Variants in VWC2L observed in about 807,000 individuals in gnomAD.
VWC2L encodes von Willebrand factor C domain-containing protein 2-like.
VWC2L carries 10 observed loss-of-function variants against 21.6 expected under a neutral mutation model. That is an observed-to-expected ratio of 0.46 (90% confidence interval 0.29 to 0.78). The LOEUF is 0.78. Among genes scored for constraint, VWC2L ranks in the 30% least tolerant of loss-of-function variants. The pLI, the probability that VWC2L is intolerant of heterozygous loss-of-function variation, is 0.10. For synonymous variants in VWC2L, 96 were observed against 94.3 expected (o/e 1.02, Z -0.10); for missense variants, 209 against 277.1 (o/e 0.75, Z 1.74).
chr2:214,539,042 C>T (rs1351596763), intron 3 of VWC2L, among the ~76,000 whole-genome samples: 1 of 152,080 alleles, frequency 6.6e-6, no homozygotes, highest in Non-Finnish European at 1.5e-5. Flanking sequence ...TCTAGTGATA[C>T]CTGCTGCAAT....
chr2:214,554,364 ATGAGAAAGACAGG>A (rs924584575), intron 3 of VWC2L, among the ~76,000 whole-genome samples: 107 of 152,262 alleles, frequency 7.0e-4, no homozygotes, highest in Middle Eastern at 6.8e-3. Flanking sequence ...TCAGGCCGTG[ATGAGAAAGACAGG>A]TGTTTTGGGG....
chr2:214,426,171 CAAAAAAA>C (rs34411661), intron 2 of VWC2L, among the ~76,000 whole-genome samples: 5,292 of 70,010 alleles, frequency 0.076, 302 homozygotes, highest in African/African-American at 0.21. Flanking sequence ...GGCTTCGTCT[CAAAAAAA>C]AAAAAAAAAA....
At chr2:214,451,833 C>T (rs1574571831) in intron 3 of VWC2L, among the ~76,000 whole-genome samples, 4 of 152,064 alleles carry the variant, frequency 2.6e-5, no homozygotes, top group East Asian at 1.9e-4. Flanking sequence ...AATTTTATGT[C>T]GTGATTTTAT....
chr2:214,448,252 AAT>A (rs1702868710), intron 3 of VWC2L, among the ~76,000 whole-genome samples: 2 of 152,194 alleles, frequency 1.3e-5, no homozygotes, highest in Non-Finnish European at 1.5e-5. Flanking sequence ...TGTAGATGCA[AAT>A]ATATATGTTT....
intron 3 of VWC2L, chr2:214,473,807 T>A (rs1015952671): frequency 6.6e-6 from 1 of 150,794 alleles, no homozygotes; most frequent in East Asian, 1.9e-4. Flanking sequence ...CTAACCAACA[T>A]GTGTAATAAA....
Position 214,509,414 on chromosome 2 carries a change from C to T in VWC2L, c.521-66258C>T, listed in dbSNP as rs142105167. On this transcript the variant is annotated intron_variant, in intron 3 of 3. Coordinates refer to ENST00000312504, the MANE Select transcript of VWC2L (RefSeq NM_001080500.4). ...CTAGTTTCAAGACACAGCCTATATA[C>T]CCCAAGACAGAATTTTTTTTTCTAC... Among the ~76,000 whole-genome samples, 1,026 of 151,984 alleles carry T rather than the reference C, an allele frequency of 6.8e-3. 10 individuals are homozygous for T. The highest frequency in any genetic ancestry group is 0.024 in the African/African-American group (976 of 41,430).
chr2:214,463,183 CTATTT>C (rs1345566011), intron 3 of VWC2L, among the ~76,000 whole-genome samples: 11 of 151,924 alleles, frequency 7.2e-5, no homozygotes, highest in African/African-American at 1.9e-4. Context: ...AATATTCTAT[CTATTT>C]TATCAGTTTG....
intron 3 of VWC2L, among the ~76,000 whole-genome samples, chr2:214,454,850 C>T (rs984279212): frequency 1.3e-5 from 2 of 152,010 alleles, no homozygotes; most frequent in African/African-American, 4.8e-5. Flanking sequence ...GATCTGCCTG[C>T]CTCATCCTCC....
intron 2 of VWC2L, among the ~76,000 whole-genome samples, chr2:214,425,709 A>G (rs183799756): frequency 1.3e-5 from 2 of 152,318 alleles, no homozygotes; most frequent in East Asian, 1.9e-4. Context: ...GTTTGATCCC[A>G]TTAAATAAAT....
intron 3 of VWC2L, among the ~76,000 whole-genome samples, chr2:214,445,414 G>A (rs1012111989): frequency 2.0e-5 from 3 of 151,352 alleles, no homozygotes; most frequent in African/African-American, 7.3e-5. Flanking sequence ...AGCATTTTAA[G>A]TAATATTATA....
At chr2:214,448,221 T>G (rs1050972615) in intron 3 of VWC2L, among the ~76,000 whole-genome samples, 1 of 152,240 alleles carries the variant, frequency 6.6e-6, no homozygotes, top group Non-Finnish European at 1.5e-5. Context: ...CACAGTTGTA[T>G]TCTTACTATG....
At chr2:214,505,271 G>C (rs1460665862) in intron 3 of VWC2L, among the ~76,000 whole-genome samples, 1 of 152,168 alleles carries the variant, frequency 6.6e-6, no homozygotes, top group South Asian at 2.1e-4. Context: ...GAAGCAGTGT[G>C]ATTTCTACTT....
chr2:214,437,627 T>G (rs1203409810), intron 3 of VWC2L, among the ~76,000 whole-genome samples: 1 of 152,214 alleles, frequency 6.6e-6, no homozygotes. Context: ...CTCACTCTTA[T>G]GCTGAATTCC....
At chr2:214,473,722 A>T (rs1000746940) in intron 3 of VWC2L, 4 of 150,902 alleles carry the variant, frequency 2.7e-5, no homozygotes, top group African/African-American at 9.8e-5. Context: ...TAATTCCAAG[A>T]TGGCTTCTTA....
At chr2:214,480,392 T>C (rs1688585991) in intron 3 of VWC2L, among the ~76,000 whole-genome samples, 1 of 152,218 alleles carries the variant, frequency 6.6e-6, no homozygotes, top group African/African-American at 2.4e-5. Context: ...GGAAGATGAA[T>C]GGACAATTAC....
chr2:214,472,609 A>C lies in VWC2L; in HGVS notation c.520+35851A>C, dbSNP rs537003448. Among the ~76,000 whole-genome samples, 18 of 152,332 alleles carry C rather than the reference A, an allele frequency of 1.2e-4. 1 individual carries two copies. The East Asian group carries it at 3.1e-3, about 26-fold the overall frequency. On this transcript the variant is annotated intron_variant, in intron 3 of 3. Transcript: ENST00000312504. ...AATACAAGAAATCTTGATACAGAGCATTACCCAATGTCAGGCAACAGGTTA... is the reference window on the plus strand; with the variant it reads ...AATACAAGAAATCTTGATACAGAGCCTTACCCAATGTCAGGCAACAGGTTA...
intron 3 of VWC2L, among the ~76,000 whole-genome samples, chr2:214,513,512 C>T (rs76527888): frequency 6.6e-6 from 1 of 152,010 alleles, no homozygotes. Context: ...TGCAAACATT[C>T]GTAACGTGGC....
chr2:214,479,584 C>A (rs1284985294), intron 3 of VWC2L, among the ~76,000 whole-genome samples: 2 of 152,138 alleles, frequency 1.3e-5, no homozygotes, highest in Non-Finnish European at 2.9e-5. Flanking sequence ...GCAGGCGGAT[C>A]ACCTGAGGTC....
At chr2:214,549,442 A>G (rs1179544074) in intron 3 of VWC2L, among the ~76,000 whole-genome samples, 1 of 152,226 alleles carries the variant, frequency 6.6e-6, no homozygotes, top group Non-Finnish European at 1.5e-5. Flanking sequence ...AGCAATCAGG[A>G]CAACATTAAG....
Sources: allele counts gnomAD v4.1 joint callset (sites outside exome capture counted in the v4.1 genomes callset), GRCh38; gene constraint gnomAD v4.1.1; transcripts MANE v1.5; gene names NCBI Gene and HGNC (gene_info 2026-07-23, HGNC 2026-07-21).